TEAD1: variants seen among roughly 807,000 people sequenced by gnomAD.
The protein encoded by TEAD1 is TEA domain transcription factor 1, also known as transcriptional enhancer factor TEF-1.
In TEAD1, 9 loss-of-function variants were observed where a neutral mutation model predicts 54.9. The ratio of observed to expected loss-of-function variants is 0.16; its 90% CI spans 0.10 to 0.29. The LOEUF is 0.29. Among genes scored for constraint, TEAD1 ranks in the 10% least tolerant of loss-of-function variants. The pLI is 1.00. For missense variants in TEAD1, 387 were observed against 535.9 expected, an observed-to-expected ratio of 0.72 and a Z score of 2.74; for synonymous variants, 200 against 187.8, an observed-to-expected ratio of 1.07 and a Z score of -0.53.
intron 9 of TEAD1, among the ~76,000 whole-genome samples, chr11:12,894,238 T>C (rs1360896610): frequency 1.3e-5 from 2 of 152,170 alleles, no homozygotes; most frequent in Non-Finnish European, 2.9e-5. Context: ...TTGGAACAAA[T>C]TTAGGAAAAG....
chr11:12,938,247 C>T lies in TEAD1; in HGVS notation c.*1025C>T, dbSNP rs371669718. On this transcript the variant is annotated 3_prime_UTR_variant, in exon 13 of 13. Transcript: ENST00000527636. ...ACTGCACTGTGAGATGCAAAGTATA[C>T]AGAATCTGTGGCTGGGAGAAAATTT... 2.6e-5 allele frequency: 4 copies of T among 152,516 alleles called. No individual in the cohort carries two copies. In the South Asian group the frequency reaches 8.3e-4, roughly 32 times the overall value. 9.4% of individuals were successfully genotyped at this position (152,516 alleles called of 1,614,324 possible). A position where few individuals can be genotyped will look rare whatever the true frequency, so the allele number is the denominator to read the frequency against.
At chr11:12,729,503 T>C (rs922901796) in intron 2 of TEAD1, among the ~76,000 whole-genome samples, 1 of 152,212 alleles carries the variant, frequency 6.6e-6, no homozygotes, top group African/African-American at 2.4e-5. Context: ...GTGCTCAGCG[T>C]GCACTAGGGA....
intron 9 of TEAD1, among the ~76,000 whole-genome samples, chr11:12,896,228 T>TA (rs1948313131): frequency 6.6e-6 from 1 of 152,200 alleles, no homozygotes; most frequent in Non-Finnish European, 1.5e-5. Context: ...GGAGAACTCA[T>TA]ACTCTTCTCC....
intron 3 of TEAD1, among the ~76,000 whole-genome samples, chr11:12,771,803 A>G (rs926787161): frequency 2.0e-5 from 3 of 152,184 alleles, no homozygotes; most frequent in African/African-American, 7.2e-5. Context: ...CAAAACTGGC[A>G]TGGATATTAA....
At chr11:12,714,063 G>T (rs923924609) in intron 2 of TEAD1, among the ~76,000 whole-genome samples, 1 of 152,210 alleles carries the variant, frequency 6.6e-6, no homozygotes, top group African/African-American at 2.4e-5. Context: ...GGAACGTGTA[G>T]ATTGAATCAG....
At chr11:12,709,817 C>T (rs1200891685) in intron 2 of TEAD1, among the ~76,000 whole-genome samples, 2 of 152,150 alleles carry the variant, frequency 1.3e-5, no homozygotes, top group South Asian at 2.1e-4. Context: ...TTGTGAGTTA[C>T]CATGCCCAGC....
At chr11:12,937,042 T>A in intron 12 of TEAD1, 67 bp from the exon 13 acceptor site, 1 of 1,103,052 alleles carries the variant, frequency 9.1e-7, no homozygotes, top group Non-Finnish European at 1.4e-6. Context: ...TAAGTCATAG[T>A]CGTCATACAC....
At chr11:12,910,082 G>A (rs974737514) in intron 10 of TEAD1, among the ~76,000 whole-genome samples, 3 of 152,124 alleles carry the variant, frequency 2.0e-5, no homozygotes, top group African/African-American at 4.8e-5. Flanking sequence ...CCAGTGACGT[G>A]GCAGACAGTG....
At position 12,822,520 on chromosome 11, in the gene TEAD1, A is replaced by G. The variant is rs547203484; in HGVS notation, c.203-39730A>G. Reference sequence around the variant, plus strand: ...AGCTTCCCATCCTCAGCTTCTGCGCAGGAGTACAATGGAAGATGGGGGGTG... The same window carrying G: ...AGCTTCCCATCCTCAGCTTCTGCGCGGGAGTACAATGGAAGATGGGGGGTG... On this transcript the variant is annotated intron_variant, in intron 3 of 12. Transcript: ENST00000527636. 5 of 152,364 alleles carry G rather than the reference A, an allele frequency of 3.3e-5. No individual in the cohort carries two copies. The South Asian group carries it at 8.3e-4, about 25-fold the overall frequency. 9.4% of individuals were successfully genotyped at this position (152,364 alleles called of 1,614,324 possible). A position where few individuals can be genotyped will look rare whatever the true frequency, so the allele number is the denominator to read the frequency against.
At chr11:12,765,186 G>A (rs115362952) in intron 3 of TEAD1, among the ~76,000 whole-genome samples, 1,576 of 152,264 alleles carry the variant, frequency 0.01, 30 homozygotes, top group African/African-American at 0.037. Flanking sequence ...TAGGGCAGCA[G>A]CAAGGATCCA....
At chr11:12,862,096 G>A (rs1398998858) in intron 3 of TEAD1, among the ~76,000 whole-genome samples, 154 bp from the exon 4 acceptor site, 1 of 147,344 alleles carries the variant, frequency 6.8e-6, no homozygotes. Flanking sequence ...AAACATTTTT[G>A]CAGACAATTG....
At chr11:12,925,692 G>T (rs946057773) in intron 11 of TEAD1, among the ~76,000 whole-genome samples, 1 of 152,168 alleles carries the variant, frequency 6.6e-6, no homozygotes, top group African/African-American at 2.4e-5. Context: ...TTGAGGCCTT[G>T]TGGGGTAGTG....
chr11:12,737,470 A>G (rs1272032583), intron 2 of TEAD1, among the ~76,000 whole-genome samples: 1 of 152,238 alleles, frequency 6.6e-6, no homozygotes, highest in African/African-American at 2.4e-5. Context: ...GCTCACAAGC[A>G]AGTGTGTGTC....
chr11:12,893,385 G>A (rs143855185), intron 9 of TEAD1, among the ~76,000 whole-genome samples: 1 of 152,258 alleles, frequency 6.6e-6, no homozygotes, highest in African/African-American at 2.4e-5. Context: ...GCCCCTCCCG[G>A]CCCAGGGCAC....
chr11:12,852,135 G>T (rs1286100860), intron 3 of TEAD1, among the ~76,000 whole-genome samples: 2 of 152,180 alleles, frequency 1.3e-5, no homozygotes, highest in African/African-American at 4.8e-5. Context: ...AGGCATGGAG[G>T]TATCTTTGGA....
chr11:12,928,139 A>G lies in TEAD1; in HGVS notation c.1015-2035A>G, dbSNP rs559917188. On this transcript the variant is annotated intron_variant, in intron 11 of 12. Transcript: ENST00000527636. ...AGTTGTTGACATAACAAGTTAATAC[A>G]TTTCCTCAATGTGTATGAAACACCA... Among the ~76,000 whole-genome samples, 16 of 152,286 alleles carry G rather than the reference A, an allele frequency of 1.1e-4. No homozygotes were observed. The South Asian group carries it at 3.3e-3, about 32-fold the overall frequency.
rs77455629 is a variant in TEAD1, at chr11:12,865,094, C to T, written c.330+194C>T. ...ACATTAAACTCAATGTGTGTGAGCG[C>T]GTGTGTGTGTTTGCGTGTGTGTGTG... On this transcript the variant is annotated intron_variant, in intron 5 of 12. Transcript: ENST00000527636. The T allele has an allele frequency of 6.8e-3, 4,651 of 680,170 alleles. 152 individuals carry two copies. Among genetic ancestry groups the T allele is most frequent in the African/African-American group, 0.068 (3,821 of 56,198 alleles). 42.1% of individuals were successfully genotyped at this position (680,170 alleles called of 1,614,324 possible). A position where few individuals can be genotyped will look rare whatever the true frequency, so the allele number is the denominator to read the frequency against.
At chr11:12,852,087 A>C (rs187205577) in intron 3 of TEAD1, among the ~76,000 whole-genome samples, 49 of 152,324 alleles carry the variant, frequency 3.2e-4, no homozygotes, top group Non-Finnish European at 1.2e-4. Context: ...CAGGTAAAAG[A>C]GAAGAGAAAG....
intron 9 of TEAD1, among the ~76,000 whole-genome samples, chr11:12,889,752 C>T (rs895471525): frequency 3.9e-5 from 6 of 152,094 alleles, no homozygotes; most frequent in African/African-American, 1.2e-4. Context: ...GGCAGGGTCT[C>T]ACTGCATTGC....
Sources: allele counts gnomAD v4.1 joint callset (sites outside exome capture counted in the v4.1 genomes callset), GRCh38; gene constraint gnomAD v4.1.1; transcripts MANE v1.5; gene names NCBI Gene and HGNC (gene_info 2026-07-23, HGNC 2026-07-21).